Variants in SOX5 observed in about 807,000 individuals in gnomAD.
SOX5 encodes SRY-box transcription factor 5.
A neutral mutation model predicts 92.0 loss-of-function variants in SOX5; 9 were observed. The observed-to-expected ratio is 0.10, with a 90% CI of 0.06 to 0.17. The LOEUF is 0.17. Among genes scored for constraint, SOX5 ranks in the 10% least tolerant of loss-of-function variants. SOX5 has a pLI of 1.00. For synonymous variants in SOX5, 344 were observed against 336.3 expected, an observed-to-expected ratio of 1.02 and a Z score of -0.25; for missense variants, 642 against 944.5, an observed-to-expected ratio of 0.68 and a Z score of 4.20.
chr12:24,178,244 C>CTTT (rs5797065), intron 4 of SOX5, among the ~76,000 whole-genome samples: 4 of 109,570 alleles, frequency 3.7e-5, no homozygotes, highest in East Asian at 2.7e-4. Flanking sequence ...AAGAGCTTGA[C>CTTT]TTTTTTTTTT....
At position 23,949,662 on chromosome 12, in the gene SOX5, C is replaced by G; in HGVS notation, c.-61G>C. On this transcript the variant is annotated 5_prime_UTR_variant, in exon 1 of 15. Transcript: ENST00000451604. ...CACCTATGATCGTCTCCAACTGAACCTGTCAAGTGAGTCCAAACCTTCTAA... is the reference window on the plus strand; with the variant it reads ...CACCTATGATCGTCTCCAACTGAACGTGTCAAGTGAGTCCAAACCTTCTAA... The G allele has an allele frequency of 6.2e-7, 1 of 1,613,470 alleles. No individual in the cohort carries two copies. Among genetic ancestry groups the G allele is most frequent in the Non-Finnish European group, 8.5e-7 (1 of 1,179,648 alleles).
At chr12:23,956,683 T>TG in intron 4 of SOX5, among the ~76,000 whole-genome samples, 1 of 128,000 alleles carries the variant, frequency 7.8e-6, no homozygotes, top group Non-Finnish European at 1.8e-5. Context: ...CTTGCCTAAG[T>TG]CTTTTTTTTT....
At chr12:24,220,544 GACAAA>G (rs1182217694) in intron 3 of SOX5, among the ~76,000 whole-genome samples, 1 of 152,034 alleles carries the variant, frequency 6.6e-6, no homozygotes, top group Non-Finnish European at 1.5e-5. Context: ...TAAATAAAGT[GACAAA>G]ACATACATAG....
Position 23,532,172 on chromosome 12 carries a change from A to G in SOX5, c.*2047T>C, listed in dbSNP as rs1206869266. On this transcript the variant is annotated 3_prime_UTR_variant, in exon 15 of 15. Transcript: ENST00000451604. ...AACACTAGCAAAAAGAGGCAGTTCAAATGTAAATAAAGTCATCAAAAACAA... is the reference window on the plus strand; with the variant it reads ...AACACTAGCAAAAAGAGGCAGTTCAGATGTAAATAAAGTCATCAAAAACAA... 3.3e-5 allele frequency: 5 copies of G among 151,844 alleles called. No individual in the cohort carries two copies. The highest frequency in any genetic ancestry group is 1.2e-4 in the African/African-American group (5 of 41,374). 9.4% of individuals were successfully genotyped at this position (151,844 alleles called of 1,614,324 possible).
chr12:24,541,156 G>A (rs1751078389), intron 1 of SOX5, among the ~76,000 whole-genome samples: 1 of 152,154 alleles, frequency 6.6e-6, no homozygotes, highest in Non-Finnish European at 1.5e-5. Context: ...TAAACAAGGT[G>A]CGAGCTTATA....
chr12:24,071,729 G>T (rs1424721680), intron 4 of SOX5, among the ~76,000 whole-genome samples: 2 of 152,098 alleles, frequency 1.3e-5, no homozygotes, highest in Admixed American at 6.6e-5. Flanking sequence ...CCACTGCCCG[G>T]CTCAAGCCTT....
chr12:24,024,375 A>C (rs978612023), intron 4 of SOX5, among the ~76,000 whole-genome samples: 7 of 152,174 alleles, frequency 4.6e-5, no homozygotes, highest in Admixed American at 2.0e-4. Flanking sequence ...CAATGAAAGC[A>C]TACAGTCTGT....
chr12:23,937,180 G>T (rs2139407332), intron 1 of SOX5, among the ~76,000 whole-genome samples: 1 of 151,004 alleles, frequency 6.6e-6, no homozygotes, highest in East Asian at 1.9e-4. Context: ...CTCAGCTAAA[G>T]ATAATACAAT....
At chr12:24,033,199 CTT>C (rs1955686150) in intron 4 of SOX5, among the ~76,000 whole-genome samples, 1 of 151,880 alleles carries the variant, frequency 6.6e-6, no homozygotes, top group South Asian at 2.1e-4. Context: ...TTCCAAGTGA[CTT>C]TACAATTCTG....
chr12:24,415,343 C>G (rs1377771425), intron 1 of SOX5, among the ~76,000 whole-genome samples: 1 of 152,148 alleles, frequency 6.6e-6, no homozygotes, highest in Non-Finnish European at 1.5e-5. Context: ...CTCTTTCCAG[C>G]CATGGTACCA....
chr12:24,059,761 C>T (rs1939310470), intron 4 of SOX5, among the ~76,000 whole-genome samples: 1 of 152,106 alleles, frequency 6.6e-6, no homozygotes, highest in African/African-American at 2.4e-5. Flanking sequence ...TAAAGTGCAA[C>T]CCACAATCAA....
At chr12:23,758,645 C>T (rs1344598587) in intron 3 of SOX5, among the ~76,000 whole-genome samples, 2 of 151,970 alleles carry the variant, frequency 1.3e-5, no homozygotes, top group African/African-American at 4.8e-5. Context: ...AATCTTTGTT[C>T]TTTGCAGCAC....
chr12:23,880,864 T>G (rs548327312), intron 2 of SOX5, among the ~76,000 whole-genome samples: 4 of 152,342 alleles, frequency 2.6e-5, no homozygotes, highest in Admixed American at 2.6e-4. Context: ...AATGAAATGC[T>G]CACAATCATA....
At chr12:23,779,934 T>C (rs2095236944) in intron 3 of SOX5, among the ~76,000 whole-genome samples, 1 of 141,142 alleles carries the variant, frequency 7.1e-6, no homozygotes, top group Admixed American at 7.4e-5. Context: ...TGTTTATGTG[T>C]GTGCATGAGA....
At position 23,530,184 on chromosome 12, in the gene SOX5, ATTAAT is replaced by A. The variant is rs765670711; in HGVS notation, c.*4030_*4034del. The A allele has an allele frequency of 2.6e-5, 4 of 152,230 alleles. No homozygotes were observed. Among genetic ancestry groups the A allele is most frequent in the Non-Finnish European group, 5.9e-5 (4 of 68,030 alleles). The allele number at this position is 152,230 out of a possible 1,614,324, so 9.4% of individuals were successfully genotyped here. A position where few individuals can be genotyped will look rare whatever the true frequency, so the allele number is the denominator to read the frequency against. ...CAGACCCCGTAAGTTTTATTTTATTATTAATTTGATAGACAAATACCTTATAAACC... is the reference window on the plus strand; with the variant it reads ...CAGACCCCGTAAGTTTTATTTTATTATTGATAGACAAATACCTTATAAACC... On this transcript the variant is annotated 3_prime_UTR_variant, in exon 15 of 15. Coordinates refer to ENST00000451604, the MANE Select transcript of SOX5 (RefSeq NM_006940.6).
intron 11 of SOX5, among the ~76,000 whole-genome samples, chr12:23,548,261 A>G (rs1443830364): frequency 6.6e-6 from 1 of 152,080 alleles, no homozygotes; most frequent in Admixed American, 6.6e-5. Context: ...GTGACTTCCA[A>G]GGTTCTGAGT....
Position 23,665,532 on chromosome 12 carries a change from G to C in SOX5, c.843C>G (p.Pro281=), listed in dbSNP as rs760608804. ...GTGTCCGTTGATCAGGAGGGAATAC[G>C]GGAATCATTAATGGCGGCAGCTGAC... ...VQGQLPPLMI[P]VFPPDQRTLA... is the part of the protein sequence containing the mutation. Residue 281 remains proline (P), a synonymous_variant, in exon 7 of 15, where the codon CCC becomes CCG. Transcript: ENST00000451604. 1 of 1,613,334 alleles carries C rather than the reference G, an allele frequency of 6.2e-7. No homozygotes were observed. Among genetic ancestry groups the C allele is most frequent in the Non-Finnish European group, 8.5e-7 (1 of 1,179,502 alleles).
chr12:24,380,339 C>T (rs1957700484), intron 1 of SOX5, among the ~76,000 whole-genome samples: 1 of 152,198 alleles, frequency 6.6e-6, no homozygotes, highest in Non-Finnish European at 1.5e-5. Flanking sequence ...AACAGAATTC[C>T]TTTGTTTTGA....
chr12:24,542,356 G>T (rs1038014624), intron 1 of SOX5, among the ~76,000 whole-genome samples: 1 of 152,168 alleles, frequency 6.6e-6, no homozygotes, highest in African/African-American at 2.4e-5. Context: ...AAAGCCTTCT[G>T]GGACTTTCAG....
Sources: allele counts gnomAD v4.1 joint callset (sites outside exome capture counted in the v4.1 genomes callset), GRCh38; gene constraint gnomAD v4.1.1; transcripts MANE v1.5; gene names NCBI Gene and HGNC (gene_info 2026-07-23, HGNC 2026-07-21).